MGAM: variants seen among roughly 807,000 people sequenced by gnomAD.
MGAM encodes the protein maltase-glucoamylase.
A neutral mutation model predicts 358.8 loss-of-function variants in MGAM; 253 were observed. The observed-to-expected ratio is 0.71, with a 90% CI of 0.64 to 0.78. The LOEUF (loss-of-function observed/expected upper bound fraction) is 0.78, where lower values mean the gene tolerates loss of function less well. MGAM is among the 30% of genes least tolerant of loss of function. MGAM has a pLI of 0.00. For missense variants in MGAM, 3,080 were observed against 3,432.6 expected, an observed-to-expected ratio of 0.90 and a Z score of 2.57; for synonymous variants, 1,105 against 1,227.1, an observed-to-expected ratio of 0.90 and a Z score of 2.08.
chr7:141,993,701 G>C (rs1804041382), upstream of MGAM, among the ~76,000 whole-genome samples: 1 of 152,148 alleles, frequency 6.6e-6, no homozygotes, highest in South Asian at 2.1e-4. Flanking sequence ...TTTAGAGTTA[G>C]GCTGCAAACT....
rs766631856 is a variant in MGAM at position 142,076,161 on chromosome 7, G to A, written c.5276-42G>A. 235 of 1,446,754 alleles carry A rather than the reference G, an allele frequency of 1.6e-4. 34 individuals carry two copies. Among genetic ancestry groups the A allele is most frequent in the Non-Finnish European group, 1.8e-4 (185 of 1,035,126 alleles). 89.6% of individuals were successfully genotyped at this position (1,446,754 alleles called of 1,614,324 possible). On this transcript the variant is annotated intron_variant, in intron 45 of 70. Coordinates refer to ENST00000475668, the MANE Select transcript of MGAM (RefSeq NM_001365693.1). ...GGAGTGTGAAATCTGTTCTTCTGTGGTGGGCAAGCCGGAGTCTGACTTGTC... is the reference window on the plus strand; with the variant it reads ...GGAGTGTGAAATCTGTTCTTCTGTGATGGGCAAGCCGGAGTCTGACTTGTC...
At chr7:142,011,761 G>T (rs1183810278) in intron 3 of MGAM, among the ~76,000 whole-genome samples, 1 of 152,116 alleles carries the variant, frequency 6.6e-6, no homozygotes, top group Non-Finnish European at 1.5e-5. Flanking sequence ...CTAAGGTTCT[G>T]GCAAATGTTT....
intron 37 of MGAM, 93 bp from the exon 38 acceptor site, chr7:142,065,242 A>G (rs897835285): frequency 3.9e-6 from 6 of 1,519,348 alleles, no homozygotes; most frequent in Non-Finnish European, 4.4e-6. Context: ...CGCAGCAAAC[A>G]TTGACTAGGC....
chr7:142,023,304 T>C (rs1393617948), intron 7 of MGAM, among the ~76,000 whole-genome samples: 2 of 152,028 alleles, frequency 1.3e-5, no homozygotes, highest in Non-Finnish European at 2.9e-5. Flanking sequence ...ACTCAAGCAA[T>C]CCTCTGGCCT....
intron 10 of MGAM, among the ~76,000 whole-genome samples, chr7:142,028,798 G>A (rs1030281876): frequency 2.0e-5 from 3 of 152,058 alleles, no homozygotes; most frequent in Non-Finnish European, 4.4e-5. Context: ...GAAAGTCAGG[G>A]CAGATAAAGA....
intron 21 of MGAM, among the ~76,000 whole-genome samples, chr7:142,045,542 T>C (rs1464043721): frequency 2.3e-5 from 2 of 86,836 alleles, no homozygotes; most frequent in Non-Finnish European, 4.0e-5. Flanking sequence ...ATATATATTA[T>C]ATATACATAC....
At chr7:142,046,776 C>T (rs534527222) in intron 21 of MGAM, among the ~76,000 whole-genome samples, 13 of 152,150 alleles carry the variant, frequency 8.5e-5, no homozygotes, top group East Asian at 7.7e-4. Context: ...GAAGAATATC[C>T]GGTCCACCAT....
intron 16 of MGAM, 96 bp from the exon 17 acceptor site, chr7:142,036,073 G>T: frequency 4.4e-6 from 4 of 917,248 alleles, no homozygotes; most frequent in South Asian, 1.5e-5. Flanking sequence ...TCGGTAGGAG[G>T]TTTAAGCAAG....
At position 142,063,390 on chromosome 7, in the gene MGAM, T is replaced by C. The variant is rs1204920835; in HGVS notation, c.4258-109T>C. On this transcript the variant is annotated intron_variant, in intron 35 of 70. Coordinates refer to ENST00000475668, the MANE Select transcript of MGAM (RefSeq NM_001365693.1). ...TGATGAAGCTCCCAGGGCTGGCATC[T>C]ACAGAGATTACTGGATGTTGAACAA... 9.1e-6 allele frequency: 12 copies of C among 1,324,194 alleles called. No homozygotes were observed. In the Admixed American group the frequency reaches 2.2e-4, roughly 24 times the overall value. The allele number at this position is 1,324,194 out of a possible 1,614,324, so 82.0% of individuals were successfully genotyped here.
In MGAM at chr7:141,996,081, C is replaced by T. The variant is rs559314885; in HGVS notation, c.-3+151C>T. 2.5e-4 allele frequency among the ~76,000 whole-genome samples: 38 copies of T among 152,076 alleles called. 1 individual carries two copies. The South Asian group carries it at 5.8e-3, about 23-fold the overall frequency. On this transcript the variant is annotated intron_variant, in intron 1 of 70. Coordinates refer to ENST00000475668, the MANE Select transcript of MGAM (RefSeq NM_001365693.1). ...ATCCCAGCACTTTGGGAGGCCGAGGCGGGTGGATCACGAGATCAGGAGATC... is the reference window on the plus strand; with the variant it reads ...ATCCCAGCACTTTGGGAGGCCGAGGTGGGTGGATCACGAGATCAGGAGATC...
At chr7:142,032,779 A>G (rs781841816) in intron 13 of MGAM, 46 bp from the exon 14 acceptor site, 26 of 1,202,720 alleles carry the variant, frequency 2.2e-5, no homozygotes, top group African/African-American at 6.1e-5. Context: ...ACATCATAAG[A>G]TAACATGTTA....
chr7:142,095,334 A>C (rs1375588847), intron 63 of MGAM, among the ~76,000 whole-genome samples: 1 of 152,190 alleles, frequency 6.6e-6, no homozygotes, highest in Non-Finnish European at 1.5e-5. Flanking sequence ...GTTTGGGCAG[A>C]ATTGTAAAAA....
chr7:142,013,973 T>C (rs1448273800), intron 3 of MGAM, among the ~76,000 whole-genome samples: 1 of 152,224 alleles, frequency 6.6e-6, no homozygotes, highest in African/African-American at 2.4e-5. Flanking sequence ...GGCCTGCTTA[T>C]TTTTGTAATT....
At chr7:141,994,101 C>T (rs1000438170), upstream of MGAM, among the ~76,000 whole-genome samples, 1 of 152,116 alleles carries the variant, frequency 6.6e-6, no homozygotes, top group Non-Finnish European at 1.5e-5. Context: ...GTCTTGAACT[C>T]CTGGCCTCAG....
intron 7 of MGAM, among the ~76,000 whole-genome samples, chr7:142,023,426 T>C (rs1370758718): frequency 6.7e-6 from 1 of 149,082 alleles, no homozygotes; most frequent in Non-Finnish European, 1.5e-5. Flanking sequence ...AATAATTTAT[T>C]AGTCATATAT....
chr7:142,087,664 G>C (rs1814883415), intron 57 of MGAM, among the ~76,000 whole-genome samples: 1 of 146,586 alleles, frequency 6.8e-6, no homozygotes, highest in African/African-American at 2.4e-5. Flanking sequence ...GGGGAGACAA[G>C]GAAAAGGCCT....
intron 44 of MGAM, among the ~76,000 whole-genome samples, chr7:142,073,009 A>C (rs1207135493): frequency 1.4e-5 from 2 of 146,260 alleles, no homozygotes; most frequent in African/African-American, 2.4e-5. Context: ...TTTTAGCAGG[A>C]ATATATGTTA....
At chr7:142,055,772 C>T (rs1401762995) in intron 28 of MGAM, 46 bp downstream of exon 28, 4 of 1,609,274 alleles carry the variant, frequency 2.5e-6, no homozygotes, top group Non-Finnish European at 3.4e-6. Context: ...TCTCTCCACC[C>T]ACACTGCTCA....
chr7:141,997,410 T>G (rs1255322167), intron 1 of MGAM, among the ~76,000 whole-genome samples: 9 of 152,176 alleles, frequency 5.9e-5, no homozygotes, highest in Non-Finnish European at 1.0e-4. Context: ...CTTGTTGCTA[T>G]TTCAGTCACA....
Sources: gnomAD v4.1 joint callset for allele counts (sites outside exome capture counted in the v4.1 genomes callset) on GRCh38, gnomAD v4.1.1 for gene constraint, MANE v1.5 for transcripts, NCBI Gene and HGNC (gene_info 2026-07-23, HGNC 2026-07-21) for gene names.